WDHD1: variants seen among roughly 807,000 people sequenced by gnomAD.
WDHD1 encodes WD repeat and HMG-box DNA binding protein 1.
A neutral mutation model predicts 135.4 loss-of-function variants in WDHD1; 111 were observed. The observed-to-expected ratio is 0.82, with a 90% confidence interval of 0.70 to 0.96. The LOEUF is 0.96. Ranked by LOEUF, WDHD1 falls within the 40% of genes least tolerant of loss-of-function variation. The pLI is 0.00. For missense variants in WDHD1, 1,351 were observed against 1,336.3 expected, an observed-to-expected ratio of 1.01 and a Z score of -0.17; for synonymous variants, 434 against 439.0, an observed-to-expected ratio of 0.99 and a Z score of 0.14.
intron 21 of WDHD1, among the ~76,000 whole-genome samples, chr14:54,957,946 T>A (rs1226261939): frequency 1.3e-5 from 2 of 152,272 alleles, no homozygotes; most frequent in East Asian, 3.9e-4. Flanking sequence ...GTGTTCTGCA[T>A]CCCATGCCCT....
chr14:54,943,442 T>A (rs771608828), intron 25 of WDHD1, among the ~76,000 whole-genome samples: 4 of 152,206 alleles, frequency 2.6e-5, no homozygotes, highest in African/African-American at 9.6e-5. Flanking sequence ...TCACCCATGC[T>A]GGAGTACAGT....
In WDHD1 at chr14:54,969,668, T is replaced by A. The variant is rs115182445; in HGVS notation, c.2064-2274A>T. Among the ~76,000 whole-genome samples, 1,218 of 152,184 alleles carry A rather than the reference T, an allele frequency of 8.0e-3. 16 individuals are homozygous for A. The highest frequency in any genetic ancestry group is 0.028 in the African/African-American group (1,166 of 41,508). ...CTGGTACCAGTCCTACTGAAAATATTCCAAAATACCAACTCCTCTCCAAAT... is the reference window on the plus strand; with the variant it reads ...CTGGTACCAGTCCTACTGAAAATATACCAAAATACCAACTCCTCTCCAAAT... On this transcript the variant is annotated intron_variant, in intron 16 of 25. Transcript: ENST00000360586.
intron 23 of WDHD1, among the ~76,000 whole-genome samples, chr14:54,956,469 C>T (rs2041160609): frequency 6.6e-6 from 1 of 152,034 alleles, no homozygotes; most frequent in Non-Finnish European, 1.5e-5. Flanking sequence ...GAAACCCCAT[C>T]TCTACTAAAA....
chr14:54,964,594 G>A (rs955880794), intron 18 of WDHD1, among the ~76,000 whole-genome samples: 2 of 151,526 alleles, frequency 1.3e-5, no homozygotes, highest in South Asian at 2.1e-4. Context: ...AGCAGAGATC[G>A]CGCCACTGCA....
intron 16 of WDHD1, among the ~76,000 whole-genome samples, chr14:54,978,607 A>C (rs2041565515): frequency 1.3e-5 from 2 of 152,214 alleles, no homozygotes; most frequent in Non-Finnish European, 2.9e-5. Context: ...ACCGTTAATG[A>C]ATATACTTCT....
At chr14:55,020,450 C>A (rs1340519381) in intron 2 of WDHD1, among the ~76,000 whole-genome samples, 1 of 152,202 alleles carries the variant, frequency 6.6e-6, no homozygotes. Flanking sequence ...CAGTTCTCTA[C>A]TTTTCTAGCT....
At chr14:54,986,401 AAAGC>A (rs2041694962) in intron 14 of WDHD1, among the ~76,000 whole-genome samples, 1 of 152,074 alleles carries the variant, frequency 6.6e-6, no homozygotes, top group Non-Finnish European at 1.5e-5. Context: ...CTCCTGGGCT[AAAGC>A]AACTCTCCCG....
At chr14:54,962,448 G>C (rs201448829) in intron 21 of WDHD1, 50 bp downstream of exon 21, 158 of 1,413,460 alleles carry the variant, frequency 1.1e-4, no homozygotes, top group Non-Finnish European at 1.6e-4. Flanking sequence ...TCACTTTGCA[G>C]ATGACTTGCA....
intron 11 of WDHD1, among the ~76,000 whole-genome samples, chr14:54,995,055 C>T (rs2041854831): frequency 6.6e-6 from 1 of 152,114 alleles, no homozygotes; most frequent in East Asian, 1.9e-4. Context: ...GATCTCGGCT[C>T]ACTGCAACCT....
intron 18 of WDHD1, among the ~76,000 whole-genome samples, chr14:54,963,787 G>A (rs1025719615): frequency 1.7e-4 from 23 of 138,998 alleles, no homozygotes; most frequent in Non-Finnish European, 1.5e-5. Flanking sequence ...GCGAGAAAGC[G>A]AGACTCTGTC....
chr14:55,004,942 C>A, intron 7 of WDHD1: 2 of 535,684 alleles, frequency 3.7e-6, no homozygotes, highest in Non-Finnish European at 7.4e-6. Flanking sequence ...ACAGAGGGCA[C>A]CTGCACACCA....
At chr14:55,007,231 T>TAATA in intron 7 of WDHD1, 49 bp downstream of exon 7, 1 of 1,053,084 alleles carries the variant, frequency 9.5e-7, no homozygotes, top group Non-Finnish European at 1.3e-6. Flanking sequence ...CCATCTCTAA[T>TAATA]AAAAAAAAAA....
At chr14:54,947,525 C>T (rs1254496735) in intron 24 of WDHD1, among the ~76,000 whole-genome samples, 1 of 152,144 alleles carries the variant, frequency 6.6e-6, no homozygotes. Context: ...TATTATTTTT[C>T]TCCCTGGACT....
At chr14:54,989,468 A>C (rs149555683) in intron 12 of WDHD1, among the ~76,000 whole-genome samples, 2 of 152,278 alleles carry the variant, frequency 1.3e-5, no homozygotes, top group African/African-American at 4.8e-5. Flanking sequence ...GTATTTAATA[A>C]TATTTAAAAA....
At chr14:55,024,925 C>G (rs199873659) in intron 2 of WDHD1, among the ~76,000 whole-genome samples, 6,980 of 101,332 alleles carry the variant, frequency 0.069, 1,778 homozygotes, top group South Asian at 0.11. Context: ...AATATGGCCT[C>G]GTGGGAAGGG....
At chr14:55,008,982 A>G (rs2042120395) in intron 4 of WDHD1, among the ~76,000 whole-genome samples, 1 of 151,980 alleles carries the variant, frequency 6.6e-6, no homozygotes, top group African/African-American at 2.4e-5. Context: ...TTTTTAGTAG[A>G]GATGGGGTTT....
At chr14:54,994,930 T>C (rs145588674) in intron 11 of WDHD1, among the ~76,000 whole-genome samples, 13 of 152,326 alleles carry the variant, frequency 8.5e-5, no homozygotes, top group Middle Eastern at 3.4e-3. Context: ...TGTTAGTAAT[T>C]TGTGTCTTCT....
chr14:55,013,427 G>T (rs1249189418), intron 3 of WDHD1, 58 bp downstream of exon 3: 3 of 1,167,900 alleles, frequency 2.6e-6, no homozygotes, highest in African/African-American at 1.5e-5. Context: ...TTTCACTCAA[G>T]CATAAAAATC....
At chr14:55,017,769 A>G (rs972019971) in intron 2 of WDHD1, among the ~76,000 whole-genome samples, 6 of 152,208 alleles carry the variant, frequency 3.9e-5, no homozygotes, top group Non-Finnish European at 7.3e-5. Flanking sequence ...AAGAAGCCAT[A>G]CTTGTCAAAT....
Sources: allele counts gnomAD v4.1 joint callset (sites outside exome capture counted in the v4.1 genomes callset), GRCh38; gene constraint gnomAD v4.1.1; transcripts MANE v1.5; gene names NCBI Gene and HGNC (gene_info 2026-07-23, HGNC 2026-07-21).